The following MSR1 variants were observed in gnomAD, a reference collection of about 807,000 sequenced individuals.
MSR1 encodes the protein macrophage scavenger receptor 1.
In MSR1, 53 loss-of-function variants were observed where a neutral mutation model predicts 47.2. That is an observed-to-expected ratio of 1.12 (90% confidence interval 0.90 to 1.41). The LOEUF (loss-of-function observed/expected upper bound fraction) is 1.41. Among genes scored for constraint, MSR1 ranks in the 40% most tolerant of loss-of-function variants. MSR1 has a pLI of 0.00. For synonymous variants in MSR1, 239 were observed against 185.6 expected, an observed-to-expected ratio of 1.29 and a Z score of -2.34; for missense variants, 786 against 546.9, an observed-to-expected ratio of 1.44 and a Z score of -4.36.
chr8:16,143,168 G>A (rs1800605483), intron 8 of MSR1, among the ~76,000 whole-genome samples: 1 of 152,048 alleles, frequency 6.6e-6, no homozygotes, highest in African/African-American at 2.4e-5. Flanking sequence ...TAATTTTTCA[G>A]GGTTCTTAAA....
intron 8 of MSR1, among the ~76,000 whole-genome samples, chr8:16,126,805 C>T: frequency 6.6e-6 from 1 of 152,164 alleles, no homozygotes; most frequent in South Asian, 2.1e-4. Context: ...GATTTGCTTG[C>T]TTTGGCCTCC....
chr8:16,116,609 T>C (rs1472648286), intron 9 of MSR1, among the ~76,000 whole-genome samples: 5 of 150,782 alleles, frequency 3.3e-5, no homozygotes, highest in African/African-American at 1.2e-4. Flanking sequence ...AAAACCATTT[T>C]CTTCTTAGTA....
rs150131889 is a variant in MSR1, at chr8:16,177,885, C to A, written c.103+1G>T. 1.3e-4 allele frequency: 204 copies of A among 1,613,358 alleles called. No homozygotes were observed. In the African/African-American group the frequency reaches 2.4e-3, roughly 19 times the overall value. On this transcript the variant is annotated splice_donor_variant, in intron 2 of 9. Coordinates refer to ENST00000262101, the MANE Select transcript of MSR1 (RefSeq NM_138715.3). LOFTEE classifies it high-confidence loss of function. ...TGGGCAGCCCATCCCCCTCTACTTACTCGGAGGAAGCAAAGCTGTCATTGA... is the reference window on the plus strand; with the variant it reads ...TGGGCAGCCCATCCCCCTCTACTTAATCGGAGGAAGCAAAGCTGTCATTGA...
At chr8:16,111,101 T>C (rs1384528863) in intron 9 of MSR1, among the ~76,000 whole-genome samples, 1 of 152,176 alleles carries the variant, frequency 6.6e-6, no homozygotes, top group Non-Finnish European at 1.5e-5. Flanking sequence ...TGATTGTATG[T>C]GTGAGCATGT....
intron 1 of MSR1, among the ~76,000 whole-genome samples, chr8:16,182,449 T>A (rs890180414): frequency 6.6e-6 from 1 of 152,190 alleles, no homozygotes; most frequent in African/African-American, 2.4e-5. Flanking sequence ...AGAAACCTTT[T>A]TAAACAACAT....
At chr8:16,131,364 CT>C (rs1800250737) in intron 8 of MSR1, among the ~76,000 whole-genome samples, 1 of 146,806 alleles carries the variant, frequency 6.8e-6, no homozygotes, top group African/African-American at 2.5e-5. Context: ...CTTACAGATT[CT>C]GGATATTAGA....
chr8:16,170,825 G>A (rs1291753367), intron 3 of MSR1, among the ~76,000 whole-genome samples: 7 of 152,094 alleles, frequency 4.6e-5, no homozygotes, highest in East Asian at 3.9e-4. Flanking sequence ...GTTACTTATC[G>A]CTCTCCTTGC....
intron 2 of MSR1, among the ~76,000 whole-genome samples, chr8:16,176,277 C>T (rs1036325152): frequency 8.6e-5 from 13 of 151,988 alleles, no homozygotes; most frequent in South Asian, 2.1e-4. Context: ...GAGGCCAAGG[C>T]GGGAGGATGG....
At chr8:16,141,195 A>T in intron 8 of MSR1, 9 of 794,552 alleles carry the variant, frequency 1.1e-5, no homozygotes, top group South Asian at 1.8e-5. Flanking sequence ...ACTTTCATAC[A>T]GAATAAATTG....
intron 5 of MSR1, among the ~76,000 whole-genome samples, chr8:16,156,577 T>A (rs1801016688): frequency 6.6e-6 from 1 of 151,852 alleles, no homozygotes; most frequent in South Asian, 2.1e-4. Flanking sequence ...AATTGTATTT[T>A]TATTATAAAA....
intron 7 of MSR1, among the ~76,000 whole-genome samples, chr8:16,144,953 T>G (rs189052146): frequency 6.6e-6 from 1 of 151,340 alleles, no homozygotes; most frequent in Non-Finnish European, 1.5e-5. Flanking sequence ...TTTGAACATG[T>G]GTCATTATGT....
intron 1 of MSR1, among the ~76,000 whole-genome samples, chr8:16,192,220 T>A (rs1802218126): frequency 6.6e-6 from 1 of 152,142 alleles, no homozygotes; most frequent in Non-Finnish European, 1.5e-5. Flanking sequence ...CATGAAAAGT[T>A]ATGAAAGGAG....
At chr8:16,158,379 AATC>A (rs1473757786) in intron 5 of MSR1, among the ~76,000 whole-genome samples, 3 of 152,032 alleles carry the variant, frequency 2.0e-5, no homozygotes, top group Non-Finnish European at 4.4e-5. Context: ...AATATTTGAT[AATC>A]ATCAATATCA....
intron 4 of MSR1, among the ~76,000 whole-genome samples, chr8:16,165,281 T>C (rs36017017): frequency 0.011 from 1,686 of 152,250 alleles, 32 homozygotes; most frequent in African/African-American, 0.038. Flanking sequence ...TGCAGCTGAA[T>C]ACTGGGTACC....
At chr8:16,145,820 T>C (rs796857176) in intron 7 of MSR1, among the ~76,000 whole-genome samples, 37 of 152,216 alleles carry the variant, frequency 2.4e-4, no homozygotes, top group African/African-American at 8.9e-4. Flanking sequence ...AAATATCCTT[T>C]CTAATGGAGA....
At chr8:16,147,763 C>G (rs985136143) in intron 7 of MSR1, among the ~76,000 whole-genome samples, 4 of 152,142 alleles carry the variant, frequency 2.6e-5, no homozygotes, top group African/African-American at 9.7e-5. Flanking sequence ...AGATTGGTGT[C>G]TTTTAATAAG....
chr8:16,121,158 C>A (rs1231359747), intron 8 of MSR1: 1 of 435,436 alleles, frequency 2.3e-6, no homozygotes, highest in African/African-American at 2.0e-5. Flanking sequence ...CAAAGACTTT[C>A]CTTGTTGTGA....
chr8:16,111,686 T>C (rs560867871), intron 9 of MSR1, among the ~76,000 whole-genome samples: 3 of 151,530 alleles, frequency 2.0e-5, no homozygotes, highest in South Asian at 4.2e-4. Flanking sequence ...GTCCTGATAA[T>C]GAAAATTTAA....
In MSR1 at chr8:16,136,761, C is replaced by T. The variant is rs566761480; in HGVS notation, c.1033+6797G>A. Among the ~76,000 whole-genome samples the T allele has an allele frequency of 2.0e-5, 3 of 152,182 alleles. No individual in the cohort carries two copies. The South Asian group carries it at 6.2e-4, about 32-fold the overall frequency. On this transcript the variant is annotated intron_variant, in intron 8 of 9. Transcript: ENST00000262101. ...GGGACTACAGGCATGCACAACCACA[C>T]CCAGCTAAATTTTGTATTTTCGGTA...
Sources: gnomAD v4.1 joint callset for allele counts (sites outside exome capture counted in the v4.1 genomes callset) on GRCh38, gnomAD v4.1.1 for gene constraint, MANE v1.5 for transcripts, NCBI Gene and HGNC (gene_info 2026-07-23, HGNC 2026-07-21) for gene names.